The following COL19A1 variants were observed in gnomAD, a reference collection of about 807,000 sequenced individuals.
The protein encoded by COL19A1 is collagen type XIX alpha 1 chain.
COL19A1 carries 159 observed loss-of-function variants against 190.2 expected under a neutral mutation model. The ratio of observed to expected loss-of-function variants is 0.84; its 90% CI spans 0.73 to 0.95. COL19A1 has a LOEUF of 0.95. Among genes scored for constraint, COL19A1 ranks in the 40% least tolerant of loss-of-function variants. The probability of loss-of-function intolerance (pLI) is 0.00; values close to 1 mark genes in which losing one functional copy is unlikely to be tolerated. For synonymous variants in COL19A1, 509 were observed against 458.9 expected (o/e 1.11, Z -1.39); for missense variants, 1,418 against 1,431.9 (o/e 0.99, Z 0.16).
Position 70,184,198 on chromosome 6 carries a change from A to G in COL19A1, c.2776-505A>G, listed in dbSNP as rs376115952. On this transcript the variant is annotated intron_variant, in intron 44 of 50. Coordinates refer to ENST00000620364, the MANE Select transcript of COL19A1 (RefSeq NM_001858.6). ...TTCATAGTAGGATCATGCTCTGGCC[A>G]TGTTATGAAATTTCCCCAGCAGCAA... 3.4e-4 allele frequency among the ~76,000 whole-genome samples: 52 copies of G among 152,278 alleles called. No individual in the cohort carries two copies. The East Asian group carries it at 8.3e-3, about 24-fold the overall frequency.
At chr6:69,899,627 T>C (rs1350335099) in intron 3 of COL19A1, among the ~76,000 whole-genome samples, 7 of 152,178 alleles carry the variant, frequency 4.6e-5, no homozygotes, top group African/African-American at 1.7e-4. Flanking sequence ...AGAAGGAAGA[T>C]GTCACCACCC....
intron 1 of COL19A1, among the ~76,000 whole-genome samples, chr6:69,876,756 A>G (rs974067506): frequency 1.3e-5 from 2 of 152,194 alleles, no homozygotes; most frequent in African/African-American, 4.8e-5. Context: ...TAAGATCAAT[A>G]TTTATGAGTT....
intron 13 of COL19A1, among the ~76,000 whole-genome samples, chr6:70,034,980 C>T (rs1009554689): frequency 4.6e-5 from 7 of 152,176 alleles, no homozygotes; most frequent in Admixed American, 4.6e-4. Flanking sequence ...TCAGTGTTCC[C>T]TTAGCAACTG....
intron 16 of COL19A1, among the ~76,000 whole-genome samples, chr6:70,107,285 C>A (rs1784034601): frequency 6.6e-6 from 1 of 152,166 alleles, no homozygotes; most frequent in African/African-American, 2.4e-5. Flanking sequence ...ATCAATGGCA[C>A]TATCCTGACT....
chr6:69,946,424 A>G (rs3805965), intron 9 of COL19A1, among the ~76,000 whole-genome samples: 46,223 of 151,660 alleles, frequency 0.3, 8,616 homozygotes, highest in African/African-American at 0.52. Context: ...TCATATCTGG[A>G]TTAGCATATT....
Position 70,182,873 on chromosome 6 carries a change from G to A in COL19A1, c.2776-1830G>A, listed in dbSNP as rs540827728. On this transcript the variant is annotated intron_variant, in intron 44 of 50. Coordinates refer to ENST00000620364, the MANE Select transcript of COL19A1 (RefSeq NM_001858.6). ...AGTAGAACTGGTATACTCACAAGTG[G>A]GAATTGGTCTTAACTAGGAACAGGG... Among the ~76,000 whole-genome samples the A allele has an allele frequency of 2.6e-5, 4 of 152,246 alleles. No individual in the cohort carries two copies. The South Asian group carries it at 6.2e-4, about 24-fold the overall frequency.
At chr6:69,904,775 G>C (rs1362711577) in intron 4 of COL19A1, among the ~76,000 whole-genome samples, 1 of 152,178 alleles carries the variant, frequency 6.6e-6, no homozygotes, top group Non-Finnish European at 1.5e-5. Flanking sequence ...GTTTATCTGG[G>C]CCTCCAAGTG....
chr6:69,900,004 G>C (rs1770062095), intron 3 of COL19A1, among the ~76,000 whole-genome samples: 1 of 152,002 alleles, frequency 6.6e-6, no homozygotes, highest in African/African-American at 2.4e-5. Context: ...GAGTTTTTTT[G>C]AAATATATTC....
At chr6:69,986,170 G>A (rs1481906606) in intron 11 of COL19A1, among the ~76,000 whole-genome samples, 1 of 149,282 alleles carries the variant, frequency 6.7e-6, no homozygotes, top group African/African-American at 2.5e-5. Flanking sequence ...ACATAGAAAA[G>A]TGTCAATTAA....
intron 40 of COL19A1, among the ~76,000 whole-genome samples, chr6:70,171,637 T>G (rs933744619): frequency 1.3e-5 from 2 of 152,188 alleles, no homozygotes; most frequent in East Asian, 1.9e-4. Context: ...TGGCAAACTT[T>G]ATTAAAGCCC....
At chr6:70,179,818 T>A (rs570212676) in intron 42 of COL19A1, among the ~76,000 whole-genome samples, 1 of 152,162 alleles carries the variant, frequency 6.6e-6, no homozygotes, top group Non-Finnish European at 1.5e-5. Flanking sequence ...GTCTGAAACT[T>A]ATGGCCTGCG....
chr6:70,057,550 A>G (rs1166155146), intron 14 of COL19A1, among the ~76,000 whole-genome samples: 1 of 152,052 alleles, frequency 6.6e-6, no homozygotes, highest in Non-Finnish European at 1.5e-5. Flanking sequence ...GATTGTTTCT[A>G]TTTTTAGTAG....
chr6:69,954,164 G>A (rs1487302306), intron 9 of COL19A1, among the ~76,000 whole-genome samples: 1 of 151,874 alleles, frequency 6.6e-6, no homozygotes, highest in African/African-American at 2.4e-5. Flanking sequence ...CAAAACACAT[G>A]CATTTTTTTC....
At chr6:70,050,690 A>T (rs528551720) in intron 14 of COL19A1, among the ~76,000 whole-genome samples, 3 of 152,190 alleles carry the variant, frequency 2.0e-5, no homozygotes, top group African/African-American at 7.2e-5. Flanking sequence ...CAGCTACCAA[A>T]CCTAATTAAT....
chr6:69,979,744 TACC>T (rs1243225175), intron 11 of COL19A1, among the ~76,000 whole-genome samples: 1 of 151,536 alleles, frequency 6.6e-6, no homozygotes, highest in Non-Finnish European at 1.5e-5. Context: ...AGAATTTAGA[TACC>T]AGGGATATAT....
chr6:70,047,408 C>A (rs1379241145), intron 14 of COL19A1, among the ~76,000 whole-genome samples: 7 of 151,798 alleles, frequency 4.6e-5, no homozygotes, highest in African/African-American at 1.5e-4. Flanking sequence ...TATAATGTAT[C>A]CAAGGTCATA....
chr6:69,918,977 G>A (rs1771509371), intron 4 of COL19A1, among the ~76,000 whole-genome samples: 2 of 152,156 alleles, frequency 1.3e-5, no homozygotes, highest in South Asian at 2.1e-4. Context: ...ACTTAGGTAT[G>A]TAAGTCCAGA....
intron 11 of COL19A1, among the ~76,000 whole-genome samples, chr6:69,979,913 A>G (rs1034676953): frequency 2.0e-5 from 3 of 151,950 alleles, no homozygotes; most frequent in Non-Finnish European, 4.4e-5. Context: ...AAGGGCGTAA[A>G]ATAAAATCTA....
In COL19A1 at chr6:70,190,317, T is replaced by C; in HGVS notation, c.3030T>C (p.Ala1010=). The C allele has an allele frequency of 6.2e-7, 1 of 1,601,006 alleles. No individual in the cohort carries two copies. Among genetic ancestry groups the C allele is most frequent in the South Asian group, 1.1e-5 (1 of 89,912 alleles). ...PGSPGIPGIP[A]DAVSFEEIKK... is the part of the protein sequence containing the mutation. ...AACCTTTTTTTTTCCTTCTTCAGGC[T>C]GATGCAGTTTCATTTGAAGAAATAA... The change falls in exon 48 of 51, where the codon GCT becomes GCC. Residue 1010 remains alanine, a splice_region_variant and synonymous_variant. Coordinates refer to ENST00000620364, the MANE Select transcript of COL19A1 (RefSeq NM_001858.6).
Sources: allele counts gnomAD v4.1 joint callset (sites outside exome capture counted in the v4.1 genomes callset), GRCh38; gene constraint gnomAD v4.1.1; transcripts MANE v1.5; gene names NCBI Gene and HGNC (gene_info 2026-07-23, HGNC 2026-07-21).